The following RBFOX1 variants were observed in gnomAD, a reference collection of about 807,000 sequenced individuals.
RBFOX1 encodes the protein RNA binding fox-1 homolog 1.
In RBFOX1, 8 loss-of-function variants were observed where a neutral mutation model predicts 57.7. That is an observed-to-expected ratio of 0.14 (90% CI 0.08 to 0.25). The LOEUF (loss-of-function observed/expected upper bound fraction) is 0.25, where lower values mean the gene tolerates loss of function less well. Among genes scored for constraint, RBFOX1 ranks in the 10% least tolerant of loss-of-function variants. The pLI is 1.00. For missense variants in RBFOX1, 611 were observed against 548.5 expected, an observed-to-expected ratio of 1.11 and a Z score of -1.14; for synonymous variants, 326 against 222.4, an observed-to-expected ratio of 1.47 and a Z score of -4.15.
intron 3 of RBFOX1, among the ~76,000 whole-genome samples, chr16:6,723,496 A>C (rs1024275610): frequency 1.3e-5 from 2 of 152,208 alleles, no homozygotes; most frequent in African/African-American, 4.8e-5. Flanking sequence ...AGAAAAAATA[A>C]TACAATTATA....
chr16:5,256,612 T>C lies in RBFOX1; in HGVS notation c.219+16507T>C, dbSNP rs559221408. On this transcript the variant is annotated intron_variant, in intron 1 of 2. Coordinates refer to the RBFOX1 transcript ENST00000585867. The stretch of plus-strand genomic sequence containing the variant: ...TGATGTTTCCTAATCTGTGAAATCA[T>C]ACTGGACCTCGAAGCTTTCTATTAA... Among the ~76,000 whole-genome samples the C allele has an allele frequency of 8.1e-4, 123 of 152,258 alleles. No individual in the cohort carries two copies. The Middle Eastern group carries it at 0.024, about 29-fold the overall frequency.
chr16:7,462,279 G>A (rs896836440), intron 4 of RBFOX1, among the ~76,000 whole-genome samples: 3 of 152,126 alleles, frequency 2.0e-5, no homozygotes, highest in Non-Finnish European at 2.9e-5. Context: ...AGAAACACCC[G>A]GGGTCAGGAG....
At chr16:6,462,101 C>G (rs1853330311) in intron 2 of RBFOX1, among the ~76,000 whole-genome samples, 4 of 152,142 alleles carry the variant, frequency 2.6e-5, no homozygotes, top group Admixed American at 2.6e-4. Flanking sequence ...CAATTTCATC[C>G]TTTATAAAAT....
intron 3 of RBFOX1, among the ~76,000 whole-genome samples, chr16:5,683,326 G>T (rs889165345): frequency 3.9e-5 from 6 of 152,062 alleles, no homozygotes; most frequent in African/African-American, 1.2e-4. Flanking sequence ...CCTCCCTTAG[G>T]TGAGAACCAC....
chr16:5,329,771 G>A (rs1252409400), intron 1 of RBFOX1, among the ~76,000 whole-genome samples: 1 of 152,158 alleles, frequency 6.6e-6, no homozygotes, highest in Non-Finnish European at 1.5e-5. Context: ...AGGCTGAGGC[G>A]GGTGGATCAG....
intron 2 of RBFOX1, among the ~76,000 whole-genome samples, chr16:6,478,388 A>AATATATAT (rs71406379): frequency 1.2e-3 from 51 of 41,526 alleles, no homozygotes; most frequent in African/African-American, 3.3e-3. Context: ...ACACCCAGCT[A>AATATATAT]ATATATATAT....
chr16:7,603,165 G>C (rs558973980), intron 9 of RBFOX1, among the ~76,000 whole-genome samples: 1 of 152,094 alleles, frequency 6.6e-6, no homozygotes, highest in African/African-American at 2.4e-5. Flanking sequence ...TCCCTAACAC[G>C]ATTCTTCTTT....
chr16:5,429,656 G>C (rs1384008117), intron 1 of RBFOX1, among the ~76,000 whole-genome samples: 3 of 152,182 alleles, frequency 2.0e-5, no homozygotes, highest in African/African-American at 7.2e-5. Flanking sequence ...TGGCACAAAG[G>C]CCTGGATAGT....
intron 4 of RBFOX1, among the ~76,000 whole-genome samples, chr16:7,060,965 A>G (rs1183304316): frequency 6.6e-6 from 1 of 152,064 alleles, no homozygotes; most frequent in Non-Finnish European, 1.5e-5. Flanking sequence ...CTTACAGAGA[A>G]CCCTCAGGAT....
chr16:6,138,152 T>C (rs2096682516), intron 1 of RBFOX1, among the ~76,000 whole-genome samples: 1 of 152,212 alleles, frequency 6.6e-6, no homozygotes, highest in South Asian at 2.1e-4. Flanking sequence ...AATATTGATA[T>C]TAAATTAACA....
chr16:6,515,464 T>C (rs2096357237), intron 2 of RBFOX1, among the ~76,000 whole-genome samples: 1 of 152,206 alleles, frequency 6.6e-6, no homozygotes, highest in Admixed American at 6.5e-5. Context: ...ATCTAAGACA[T>C]AACTAATATG....
At chr16:7,051,339 T>C (rs932016686) in intron 3 of RBFOX1, among the ~76,000 whole-genome samples, 36 of 152,222 alleles carry the variant, frequency 2.4e-4, no homozygotes, top group African/African-American at 7.0e-4. Context: ...CTATGTTTTC[T>C]TGTTTGGATA....
At chr16:7,460,389 A>ATATATATATATATATATATATATATTTG in intron 4 of RBFOX1, among the ~76,000 whole-genome samples, 1 of 87,264 alleles carries the variant, frequency 1.1e-5, no homozygotes, top group East Asian at 4.2e-4. Flanking sequence ...ATATATATAT[A>ATATATATATATATATATATATATATTTG]TGTGTGTGTG....
intron 2 of RBFOX1, among the ~76,000 whole-genome samples, chr16:5,471,078 C>T (rs1055859790): frequency 2.6e-5 from 4 of 152,258 alleles, no homozygotes; most frequent in African/African-American, 9.6e-5. Context: ...AGGTGATCCA[C>T]CGGCCTCGGT....
rs140127712 is a variant in RBFOX1 at position 5,406,281 on chromosome 16, C to A, written c.220-60935C>A. Among the ~76,000 whole-genome samples the A allele has an allele frequency of 1.7e-3, 256 of 152,158 alleles. 1 individual carries two copies. The highest frequency in any genetic ancestry group is 5.6e-3 in the African/African-American group (234 of 41,496). On this transcript the variant is annotated intron_variant, in intron 1 of 2. Coordinates refer to the RBFOX1 transcript ENST00000585867. ...ATTGGTGGATGAGTACAGCAGATGG[C>A]TGTACTCTACCCCAGTGTGGGTGAG... is the stretch of plus-strand genomic sequence containing the variant.
chr16:6,923,489 C>G (rs950199453), intron 3 of RBFOX1, among the ~76,000 whole-genome samples: 6 of 152,072 alleles, frequency 3.9e-5, no homozygotes, highest in Non-Finnish European at 5.9e-5. Context: ...GCCAATATCA[C>G]AACACTGCAC....
chr16:6,508,788 A>T (rs975551491), intron 2 of RBFOX1, among the ~76,000 whole-genome samples: 2 of 152,152 alleles, frequency 1.3e-5, no homozygotes, highest in Admixed American at 6.6e-5. Flanking sequence ...TTAGAGAAGA[A>T]ATTTGCCATT....
At chr16:6,717,836 G>A (rs2065137694) in intron 3 of RBFOX1, among the ~76,000 whole-genome samples, 1 of 152,182 alleles carries the variant, frequency 6.6e-6, no homozygotes, top group South Asian at 2.1e-4. Flanking sequence ...TATTTACCCA[G>A]ATGGTGTTTC....
rs544046880 is a variant in RBFOX1, at chr16:7,240,211, C to G, written c.27+188113C>G. Among the ~76,000 whole-genome samples, 4 of 152,278 alleles carry G rather than the reference C, an allele frequency of 2.6e-5. No homozygotes were observed. The East Asian group carries it at 7.7e-4, about 29-fold the overall frequency. On this transcript the variant is annotated intron_variant, in intron 4 of 15. Transcript: ENST00000550418. Reference sequence around the variant, plus strand: ...TGAACTCCTGACCTCAGGTGATCCTCCCGCCTCGGCCTCCCAAACTGCTGG... The same window carrying G: ...TGAACTCCTGACCTCAGGTGATCCTGCCGCCTCGGCCTCCCAAACTGCTGG...
Sources: gnomAD v4.1 joint callset for allele counts (sites outside exome capture counted in the v4.1 genomes callset) on GRCh38, gnomAD v4.1.1 for gene constraint, MANE v1.5 for transcripts, NCBI Gene and HGNC (gene_info 2026-07-23, HGNC 2026-07-21) for gene names.